The following SSH2 variants were observed in gnomAD, a reference collection of about 807,000 sequenced individuals.
The protein encoded by SSH2 is protein phosphatase Slingshot homolog 2.
A neutral mutation model predicts 135.2 loss-of-function variants in SSH2; 37 were observed. The ratio of observed to expected loss-of-function variants is 0.27; its 90% CI spans 0.21 to 0.36. SSH2 has a LOEUF of 0.36. Ranked by LOEUF, SSH2 falls within the 10% of genes least tolerant of loss-of-function variation. The pLI is 1.00. For synonymous variants in SSH2, 628 were observed against 646.2 expected (o/e 0.97, Z 0.43); for missense variants, 1,408 against 1,765.3 (o/e 0.80, Z 3.63).
chr17:29,672,111 T>G lies in SSH2; in HGVS notation c.633A>C (p.Leu211Phe). The G allele has an allele frequency of 6.2e-7, 1 of 1,613,942 alleles. No homozygotes were observed. Among genetic ancestry groups the G allele is most frequent in the Non-Finnish European group, 8.5e-7 (1 of 1,179,940 alleles). The part of the protein sequence containing the change: ...VQAMWSALQS[L>F]HKACEVARAH... ...CTCTGGCGACTTCACAAGCCTTGTG[T>G]AAGCTCTGTAGTGCAGACCTGAAAG... is the stretch of plus-strand genomic sequence containing the variant. Residue 211 changes from leucine (L) to phenylalanine (F), a missense_variant, in exon 9 of 16, where the codon TTA becomes TTC. By Grantham distance (22) the Leu-to-Phe change is conservative (BLOSUM62 0). Transcript: ENST00000540801.
At chr17:29,921,284 G>A (rs904752387) in intron 1 of SSH2, among the ~76,000 whole-genome samples, 5 of 152,068 alleles carry the variant, frequency 3.3e-5, no homozygotes, top group African/African-American at 7.2e-5. Flanking sequence ...GGCACAAAAG[G>A]TACTCAACAC....
At chr17:29,753,372 C>T (rs1411941987) in intron 3 of SSH2, among the ~76,000 whole-genome samples, 1 of 151,380 alleles carries the variant, frequency 6.6e-6, no homozygotes, top group African/African-American at 2.4e-5. Flanking sequence ...TCAGGTGATA[C>T]CCCCAACCTC....
chr17:29,743,914 T>TC lies in SSH2; in HGVS notation c.189-40853_189-40852insG, dbSNP rs1201473813. 4.5e-3 allele frequency among the ~76,000 whole-genome samples: 588 copies of TC among 130,506 alleles called. 6 individuals are homozygous for TC. The highest frequency in any genetic ancestry group is 0.019 in the African/African-American group (554 of 28,416). 85.6% of individuals were successfully genotyped at this position (130,506 alleles called of 152,430 possible). On this transcript the variant is annotated intron_variant, in intron 3 of 15. Transcript: ENST00000540801. The stretch of plus-strand genomic sequence containing the variant: ...TTTCTTTTTTCTTTTTTCCTTTTTT[T>TC]TTTTTTTTTTTTTTTTTACAAAACA...
intron 2 of SSH2, among the ~76,000 whole-genome samples, chr17:29,833,174 A>T (rs569814701): frequency 8.9e-4 from 136 of 152,296 alleles, no homozygotes; most frequent in African/African-American, 3.2e-3. Flanking sequence ...TCCAATATTG[A>T]AAGTGGAATG....
chr17:29,906,172 T>A lies in SSH2; in HGVS notation c.63+23766A>T, dbSNP rs1672909687. Among the ~76,000 whole-genome samples, 4 of 152,168 alleles carry A rather than the reference T, an allele frequency of 2.6e-5. No individual in the cohort carries two copies. The South Asian group carries it at 8.3e-4, about 32-fold the overall frequency. Reference sequence around the variant, plus strand: ...ATGGACAAGAACTCAGGCAAAGGCATAACTGGCCACAGAGGTTTCCAAAAA... The same window carrying A: ...ATGGACAAGAACTCAGGCAAAGGCAAAACTGGCCACAGAGGTTTCCAAAAA... On this transcript the variant is annotated intron_variant, in intron 1 of 15. Transcript: ENST00000540801.
intron 3 of SSH2, among the ~76,000 whole-genome samples, chr17:29,709,728 G>A (rs577286690): frequency 6.6e-6 from 1 of 152,142 alleles, no homozygotes; most frequent in Non-Finnish European, 1.5e-5. Context: ...AAATCCATTC[G>A]GATTCCAACT....
Position 29,630,802 on chromosome 17 carries a change from A to G in SSH2, c.*39T>C. ...TACATATTACACCTGCCCCTTTTAC[A>G]AACATTTCTTCTAGAAAGTCACATG... On this transcript the variant is annotated 3_prime_UTR_variant, in exon 16 of 16. Transcript: ENST00000540801. 1 of 1,508,296 alleles carries G rather than the reference A, an allele frequency of 6.6e-7. No individual in the cohort carries two copies. The highest frequency in any genetic ancestry group is 8.9e-7 in the Non-Finnish European group (1 of 1,126,252). 93.4% of individuals were successfully genotyped at this position (1,508,296 alleles called of 1,614,324 possible).
At chr17:29,813,802 G>A (rs1347325599) in intron 2 of SSH2, among the ~76,000 whole-genome samples, 4 of 150,542 alleles carry the variant, frequency 2.7e-5, no homozygotes, top group Non-Finnish European at 5.9e-5. Context: ...TGGAAGAGAA[G>A]AGCGAGACTT....
intron 3 of SSH2, among the ~76,000 whole-genome samples, chr17:29,730,598 G>C (rs758092588): frequency 3.3e-5 from 5 of 151,772 alleles, no homozygotes; most frequent in Non-Finnish European, 7.4e-5. Context: ...ACCACACTCG[G>C]CTAATTTTTT....
Position 29,892,286 on chromosome 17 carries a change from A to C in SSH2, c.63+37652T>G, listed in dbSNP as rs192662413. ...CCAAAGCAGCCCCCACCCCCACCTC[A>C]CCTATAAAAGGAATTCTAAGTGCAG... is the stretch of plus-strand genomic sequence containing the variant. On this transcript the variant is annotated intron_variant, in intron 1 of 15. Coordinates refer to ENST00000540801, the MANE Select transcript of SSH2 (RefSeq NM_001282129.2). Among the ~76,000 whole-genome samples, 757 of 151,294 alleles carry C rather than the reference A, an allele frequency of 5.0e-3. 7 individuals carry two copies. Among genetic ancestry groups the C allele is most frequent in the African/African-American group, 0.017 (715 of 41,230 alleles).
At chr17:29,756,058 G>A (rs578261897) in intron 3 of SSH2, among the ~76,000 whole-genome samples, 1 of 150,882 alleles carries the variant, frequency 6.6e-6, no homozygotes, top group Admixed American at 6.6e-5. Flanking sequence ...CTGAGGTCAG[G>A]AGTTGGAGAC....
chr17:29,671,393 G>C (rs1034425401), intron 9 of SSH2, among the ~76,000 whole-genome samples: 1 of 152,050 alleles, frequency 6.6e-6, no homozygotes, highest in Non-Finnish European at 1.5e-5. Flanking sequence ...TGAAGTGAGA[G>C]GATCACTTCA....
At chr17:29,746,235 A>C (rs2040755682) in intron 3 of SSH2, among the ~76,000 whole-genome samples, 1 of 152,094 alleles carries the variant, frequency 6.6e-6, no homozygotes. Flanking sequence ...CCAACTTTTC[A>C]AACTAAAGCT....
chr17:29,663,077 CTT>C (rs888259292), intron 11 of SSH2, among the ~76,000 whole-genome samples: 13 of 152,078 alleles, frequency 8.5e-5, no homozygotes, highest in African/African-American at 3.1e-4. Flanking sequence ...TGTAGAATCT[CTT>C]TTTCTAGAAA....
At chr17:29,672,238 C>G in intron 8 of SSH2, 109 bp from the exon 9 acceptor site, 8 of 744,104 alleles carry the variant, frequency 1.1e-5, no homozygotes, top group South Asian at 2.3e-5. Context: ...AATTTGTCCT[C>G]TGGACAATCT....
chr17:29,718,899 T>G (rs1179640726), intron 3 of SSH2, among the ~76,000 whole-genome samples: 1 of 152,214 alleles, frequency 6.6e-6, no homozygotes, highest in African/African-American at 2.4e-5. Flanking sequence ...CCTTATGACG[T>G]GGCAGCTGAC....
In SSH2 at chr17:29,636,586, C is replaced by A; in HGVS notation, c.1644G>T (p.Leu548=). ...MVPQDANQKG[L]CTKERMICLE... Reference sequence around the variant, plus strand: ...AGCAGATCATTCTTTCTTTGGTACACAGGCCTTTCTGATTTGCATCTTGTG... The same window carrying A: ...AGCAGATCATTCTTTCTTTGGTACAAAGGCCTTTCTGATTTGCATCTTGTG... Residue 548 remains leucine (L), a synonymous_variant, in exon 15 of 16, where the codon CTG becomes CTT. Coordinates refer to ENST00000540801, the MANE Select transcript of SSH2 (RefSeq NM_001282129.2). 6.2e-7 allele frequency: 1 copy of A among 1,614,166 alleles called. No homozygotes were observed. The highest frequency in any genetic ancestry group is 8.5e-7 in the Non-Finnish European group (1 of 1,180,028).
intron 1 of SSH2, among the ~76,000 whole-genome samples, chr17:29,851,230 C>T (rs931192251): frequency 6.6e-6 from 1 of 152,114 alleles, no homozygotes; most frequent in Non-Finnish European, 1.5e-5. Context: ...TTCCCAAGCT[C>T]TCATACTACA....
At chr17:29,724,690 A>G (rs1401786841) in intron 3 of SSH2, among the ~76,000 whole-genome samples, 1 of 141,114 alleles carries the variant, frequency 7.1e-6, no homozygotes, top group Non-Finnish European at 1.5e-5. Flanking sequence ...CACGGGTTCT[A>G]GCAATTCTCC....
Sources: gnomAD v4.1 joint callset for allele counts (sites outside exome capture counted in the v4.1 genomes callset) on GRCh38, gnomAD v4.1.1 for gene constraint, MANE v1.5 for transcripts, NCBI Gene and HGNC (gene_info 2026-07-23, HGNC 2026-07-21) for gene names.